The following KRT25 variants were observed in gnomAD, a reference collection of about 807,000 sequenced individuals.
KRT25 encodes keratin 25.
Under a neutral mutation model 47.6 loss-of-function variants are expected in KRT25, and 37 were observed. The observed-to-expected ratio is 0.78, with a 90% CI of 0.60 to 1.02. The LOEUF (loss-of-function observed/expected upper bound fraction) is 1.02, where lower values mean the gene tolerates loss of function less well. Among genes scored for constraint, KRT25 ranks in the 50% least tolerant of loss-of-function variants. KRT25 has a pLI of 0.00. For synonymous variants in KRT25, 203 were observed against 210.2 expected (o/e 0.97, Z 0.30); for missense variants, 542 against 550.3 (o/e 0.98, Z 0.15).
At position 40,753,877 on chromosome 17, in the gene KRT25, T is replaced by G. The variant is rs372235530; in HGVS notation, c.652A>C (p.Lys218Gln). The change falls in exon 3 of 8, where the codon AAA becomes CAA. Residue 218 changes from lysine to glutamine, a missense_variant. Transcript: ENST00000312150. ...ETLSEEMTYL[K>Q]KNHKEEMQVL... ...GCTCTTACCTCTTTATGGTTCTTTT[T>G]GAGGTAAGTCATCTCCTCACTCAGG... The G allele has an allele frequency of 6.2e-7, 1 of 1,613,906 alleles. No individual in the cohort carries two copies. Among genetic ancestry groups the G allele is most frequent in the Non-Finnish European group, 8.5e-7 (1 of 1,179,982 alleles).
chr17:40,751,459 A>G, intron 3 of KRT25, 133 bp from the exon 4 acceptor site: 1 of 905,954 alleles, frequency 1.1e-6, no homozygotes, highest in Non-Finnish European at 1.6e-6. Flanking sequence ...CTCCCACCAC[A>G]TTTGATACTT....
At chr17:40,755,418 T>C (rs1359817441), upstream of KRT25, 2 of 711,780 alleles carry the variant, frequency 2.8e-6, no homozygotes, top group Non-Finnish European at 2.3e-6. Context: ...AAAACATGGC[T>C]TGCCAGTCTC....
At position 40,755,311 on chromosome 17, in the gene KRT25, AG is replaced by A. The variant is rs754931243; in HGVS notation, c.-41del. 3.3e-5 allele frequency: 52 copies of A among 1,572,592 alleles called. No homozygotes were observed. The highest frequency in any genetic ancestry group is 4.3e-5 in the Non-Finnish European group (50 of 1,157,828). ...CGCGTTGCAGAGCTGTATTTGTGAA[AG>A]CCAGAATGGAGTGCCTTCTTGTCTA... is the stretch of plus-strand genomic sequence containing the variant. On this transcript the variant is annotated 5_prime_UTR_variant, in exon 1 of 8. Coordinates refer to ENST00000312150, the MANE Select transcript of KRT25 (RefSeq NM_181534.4).
rs1264689909 is a variant in KRT25, at chr17:40,750,395, A to G, written c.1160T>C (p.Ile387Thr). The G allele has an allele frequency of 3.1e-6, 5 of 1,613,758 alleles. No individual in the cohort carries two copies. The highest frequency in any genetic ancestry group is 2.2e-5 in the East Asian group (1 of 44,894). ...EKEIETYCLLIGGDDGACKSG... is the reference protein window; with the variant it reads ...EKEIETYCLLTGGDDGACKSG... ...TTTTACCTACCCATCATCTCCTCCTATAAGGAGACAGTAGGTCTCAATTTC... is the reference window on the plus strand; with the variant it reads ...TTTTACCTACCCATCATCTCCTCCTGTAAGGAGACAGTAGGTCTCAATTTC... Residue 387 changes from isoleucine to threonine, a missense_variant, in exon 6 of 8, where the codon ATA becomes ACA. Coordinates refer to ENST00000312150, the MANE Select transcript of KRT25 (RefSeq NM_181534.4).
In KRT25 at chr17:40,754,307, T is replaced by C. The variant is rs1054776670; in HGVS notation, c.512+79A>G. ...GTGAAATTCAAGTGTTTTATAATTT[T>C]GGAATAAGAGTTGCTAAATTTGATG... On this transcript the variant is annotated intron_variant, in intron 2 of 7. Transcript: ENST00000312150. 1.3e-4 allele frequency: 146 copies of C among 1,154,010 alleles called. No individual in the cohort carries two copies. In the African/African-American group the frequency reaches 1.9e-3, roughly 15 times the overall value. 71.5% of individuals were successfully genotyped at this position (1,154,010 alleles called of 1,614,324 possible). A position where few individuals can be genotyped will look rare whatever the true frequency, so the allele number is the denominator to read the frequency against.
chr17:40,754,401 T>A lies in KRT25; in HGVS notation c.497A>T (p.Asp166Val). ...LQIDNARLTADDFRLKYENEL... is the reference protein window; with the variant it reads ...LQIDNARLTAVDFRLKYENEL... ...GTCTACTTACTTGAGTCTGAAATCATCAGCTGTAAGCCTGGCATTATCGAT... is the reference window on the plus strand; with the variant it reads ...GTCTACTTACTTGAGTCTGAAATCAACAGCTGTAAGCCTGGCATTATCGAT... Residue 166 changes from aspartate to valine, a missense_variant, in exon 2 of 8, where the codon GAT becomes GTT. Transcript: ENST00000312150. 6.2e-7 allele frequency: 1 copy of A among 1,613,808 alleles called. No individual in the cohort carries two copies. Among genetic ancestry groups the A allele is most frequent in the Non-Finnish European group, 8.5e-7 (1 of 1,179,710 alleles).
At chr17:40,752,848 C>A (rs1167535593) in intron 3 of KRT25, among the ~76,000 whole-genome samples, 2 of 152,094 alleles carry the variant, frequency 1.3e-5, no homozygotes, top group Non-Finnish European at 2.9e-5. Flanking sequence ...TTTGGCTTGA[C>A]CATAGAAGTC....
chr17:40,752,221 T>C (rs1271850698), intron 3 of KRT25, among the ~76,000 whole-genome samples: 3 of 152,232 alleles, frequency 2.0e-5, no homozygotes, highest in Admixed American at 6.5e-5. Context: ...CTGGTTATTA[T>C]GATTATTATC....
Position 40,748,310 on chromosome 17 carries a change from G to A in KRT25, c.1320C>T (p.Leu440=), listed in dbSNP as rs981670265. The change falls in exon 8 of 8, where the codon CTC becomes CTT. Residue 440 remains leucine (L), a synonymous_variant. Transcript: ENST00000312150. ...TTTGAGATTTCTCTTCCAGGGAGTG[G>A]AGCCTGGTGGTAAGTATTTTGCTGC... The part of the protein sequence containing the change: ...DQRSKILTTR[L]HSLEEKSQSN 6.2e-7 allele frequency: 1 copy of A among 1,612,352 alleles called. No homozygotes were observed. Among genetic ancestry groups the A allele is most frequent in the African/African-American group, 1.3e-5 (1 of 74,966 alleles).
rs1311026830 is a variant in KRT25, at chr17:40,748,268, C to A, written c.*9G>T. On this transcript the variant is annotated 3_prime_UTR_variant, in exon 8 of 8. Transcript: ENST00000312150. ...GCTATGTGGCATACGTTCTCTGTTG[C>A]ATCTCAAATTAATTGCTTTGAGATT... 1 of 1,566,838 alleles carries A rather than the reference C, an allele frequency of 6.4e-7. No homozygotes were observed. Among genetic ancestry groups the A allele is most frequent in the African/African-American group, 1.4e-5 (1 of 73,704 alleles).
chr17:40,748,845 T>G (rs906318688), intron 7 of KRT25, among the ~76,000 whole-genome samples: 1 of 152,112 alleles, frequency 6.6e-6, no homozygotes, highest in Non-Finnish European at 1.5e-5. Flanking sequence ...GATAAAGCCA[T>G]AAACACCATG....
Position 40,751,301 on chromosome 17 carries a change from G to C in KRT25, c.695C>G (p.Ala232Gly), listed in dbSNP as rs753813626. 1 of 1,613,104 alleles carries C rather than the reference G, an allele frequency of 6.2e-7. No homozygotes were observed. The highest frequency in any genetic ancestry group is 1.1e-5 in the South Asian group (1 of 90,904). Residue 232 changes from alanine to glycine, a missense_variant, in exon 4 of 8, where the codon GCT (alanine) becomes GGT (glycine). Physicochemically the swap from Ala to Gly is moderately conservative, Grantham distance 60 (BLOSUM62 0). Coordinates refer to ENST00000312150, the MANE Select transcript of KRT25 (RefSeq NM_181534.4). ...CATCTCCACGTTCACGTTGCCTCCA[G>C]CTGCGCACTGCAGAACTTGCATTTC... ...KEEMQVLQCA[A>G]GGNVNVEMNA...
chr17:40,753,631 C>A (rs990304869), intron 3 of KRT25, among the ~76,000 whole-genome samples: 2 of 126,530 alleles, frequency 1.6e-5, no homozygotes, highest in African/African-American at 5.9e-5. Flanking sequence ...TTGCAGTGAG[C>A]CAAGATCGCA....
Position 40,753,683 on chromosome 17 carries a change from C to CAAAAAAAAAA in KRT25, c.669+167_669+176dup, listed in dbSNP as rs60610884. ...TGGACGGCAGAGCGAGACTCCGTCT[C>CAAAAAAAAAA]AAAAAAAAAAAAAAAAAAAAAAAAA... On this transcript the variant is annotated intron_variant, in intron 3 of 7. Coordinates refer to ENST00000312150, the MANE Select transcript of KRT25 (RefSeq NM_181534.4). 2.0e-4 allele frequency among the ~76,000 whole-genome samples: 6 copies of CAAAAAAAAAA among 30,466 alleles called. 1 individual carries two copies. The highest frequency in any genetic ancestry group is 2.0e-4 in the Non-Finnish European group (3 of 14,890). The allele number at this position is 30,466 out of a possible 152,430, so 20.0% of individuals were successfully genotyped here.
At position 40,755,121 on chromosome 17, in the gene KRT25, C is replaced by T. The variant is rs2144131408; in HGVS notation, c.151G>A (p.Gly51Ser). 6.2e-7 allele frequency: 1 copy of T among 1,614,176 alleles called. No homozygotes were observed. Among genetic ancestry groups the T allele is most frequent in the Non-Finnish European group, 8.5e-7 (1 of 1,180,020 alleles). The change falls in exon 1 of 8, where the codon GGC (glycine) becomes AGC (serine). Residue 51 changes from glycine (G) to serine (S), a missense_variant. By Grantham distance (56) the Gly-to-Ser change is moderately conservative (BLOSUM62 0). Transcript: ENST00000312150. The part of the protein sequence containing the change: ...IGSGFSSAFG[G>S]SSSGGNTGGG... Reference sequence around the variant, plus strand: ...CCTGTGTTTCCTCCCGATGAGCTGCCTCCGAAGGCACTAGAGAAGCCACTT... The same window carrying T: ...CCTGTGTTTCCTCCCGATGAGCTGCTTCCGAAGGCACTAGAGAAGCCACTT...
intron 3 of KRT25, among the ~76,000 whole-genome samples, chr17:40,753,619 G>A (rs1597793413): frequency 6.9e-6 from 1 of 145,324 alleles, no homozygotes; most frequent in East Asian, 2.1e-4. Flanking sequence ...AGGAGGCGGA[G>A]CTTGCAGTGA....
intron 2 of KRT25, 124 bp downstream of exon 2, chr17:40,754,262 A>G (rs536845073): frequency 3.5e-6 from 3 of 864,328 alleles, no homozygotes; most frequent in South Asian, 1.6e-5. Flanking sequence ...AGCATAAAAA[A>G]GTAATAACAT....
chr17:40,754,282 G>A (rs2038083438), intron 2 of KRT25, 104 bp downstream of exon 2: 1 of 970,272 alleles, frequency 1.0e-6, no homozygotes, highest in African/African-American at 1.6e-5. Flanking sequence ...TCCTGTTTAT[G>A]TGAAATTCAA....
At position 40,750,987 on chromosome 17, in the gene KRT25, G is replaced by A; in HGVS notation, c.924C>T (p.Thr308=). The A allele has an allele frequency of 6.2e-7, 1 of 1,614,156 alleles. No individual in the cohort carries two copies. Among genetic ancestry groups the A allele is most frequent in the Non-Finnish European group, 8.5e-7 (1 of 1,180,028 alleles). ...GGAGAGACTGAAGTTCAATTTCCAG[G>A]GTTTGAAGAGTGCGCTTCATTTCAG... ...ELTEMKRTLQ[T]LEIELQSLLA... Residue 308 remains threonine, a synonymous_variant, in exon 5 of 8, where the codon ACC becomes ACT. Transcript: ENST00000312150.
Sources: allele counts gnomAD v4.1 joint callset (sites outside exome capture counted in the v4.1 genomes callset), GRCh38; gene constraint gnomAD v4.1.1; transcripts MANE v1.5; gene names NCBI Gene and HGNC (gene_info 2026-07-23, HGNC 2026-07-21).